The following CCDC40 variants were observed in gnomAD, a reference collection of about 807,000 sequenced individuals.
CCDC40 encodes the protein coiled-coil domain 40 molecular ruler complex subunit.
CCDC40 carries 104 observed loss-of-function variants against 124.5 expected under a neutral mutation model. That is an observed-to-expected ratio of 0.84 (90% CI 0.71 to 0.98). The LOEUF (loss-of-function observed/expected upper bound fraction) is 0.98, where lower values mean the gene tolerates loss of function less well. Among genes scored for constraint, CCDC40 ranks in the 50% least tolerant of loss-of-function variants. The pLI, the probability that CCDC40 is intolerant of heterozygous loss-of-function variation, is 0.00. For synonymous variants in CCDC40, 580 were observed against 602.9 expected (o/e 0.96, Z 0.56); for missense variants, 1,463 against 1,503.9 (o/e 0.97, Z 0.45).
At chr17:80,037,042 A>G (rs2037088080) in intron 1 of CCDC40, among the ~76,000 whole-genome samples, 1 of 151,836 alleles carries the variant, frequency 6.6e-6, no homozygotes, top group Non-Finnish European at 1.5e-5. Context: ...CAGTCCTCCT[A>G]AGAGTAGAGG....
Position 80,099,507 on chromosome 17 carries a change from G to A in CCDC40, c.3181-20G>A, listed in dbSNP as rs1320507721. 6.2e-7 allele frequency: 1 copy of A among 1,602,952 alleles called. No homozygotes were observed. Among genetic ancestry groups the A allele is most frequent in the African/African-American group, 1.3e-5 (1 of 74,908 alleles). On this transcript the variant is annotated intron_variant, in intron 19 of 19. Transcript: ENST00000397545. ...CTTCTGGTTTGCATAGCCCTATATGGAGTCTCTTTTCCTACCCAGAACCTT... is the reference window on the plus strand; with the variant it reads ...CTTCTGGTTTGCATAGCCCTATATGAAGTCTCTTTTCCTACCCAGAACCTT...
intron 10 of CCDC40, among the ~76,000 whole-genome samples, chr17:80,080,454 T>C (rs926916579): frequency 1.3e-5 from 2 of 152,226 alleles, no homozygotes; most frequent in African/African-American, 4.8e-5. Context: ...GTTTTAGAGC[T>C]TGACGTTAAT....
intron 3 of CCDC40, among the ~76,000 whole-genome samples, chr17:80,045,822 A>G (rs1038602661): frequency 1.3e-5 from 2 of 149,634 alleles, no homozygotes; most frequent in Non-Finnish European, 1.5e-5. Context: ...AATGTTGCAC[A>G]AAGATCATCA....
chr17:80,099,386 G>A (rs568924138), intron 19 of CCDC40, 141 bp from the exon 20 acceptor site: 91 of 939,856 alleles, frequency 9.7e-5, no homozygotes, highest in Non-Finnish European at 1.3e-4. Context: ...ATCCAGGGGC[G>A]CAACACCTTC....
intron 10 of CCDC40, among the ~76,000 whole-genome samples, chr17:80,076,047 T>C (rs1180029355): frequency 6.6e-6 from 1 of 152,226 alleles, no homozygotes; most frequent in South Asian, 2.1e-4. Context: ...AATCTGCTCC[T>C]GTGAAGATGC....
rs1013108210 is a variant in CCDC40 at position 80,100,506 on chromosome 17, A to G, written c.*731A>G. ...TTTCTCCCTGGACTTCCAAGTACCA[A>G]TGACCTTGGGGCTTCTTTGCAGTTT... is the stretch of plus-strand genomic sequence containing the variant. On this transcript the variant is annotated 3_prime_UTR_variant, in exon 20 of 20. Transcript: ENST00000397545. 4 of 152,256 alleles carry G rather than the reference A, an allele frequency of 2.6e-5. No homozygotes were observed. The highest frequency in any genetic ancestry group is 1.9e-4 in the East Asian group (1 of 5,206). 9.4% of individuals were successfully genotyped at this position (152,256 alleles called of 1,614,324 possible). A position where few individuals can be genotyped will look rare whatever the true frequency, so the allele number is the denominator to read the frequency against.
intron 9 of CCDC40, among the ~76,000 whole-genome samples, chr17:80,065,030 T>C (rs1174139795): frequency 7.4e-6 from 1 of 134,916 alleles, no homozygotes; most frequent in East Asian, 2.2e-4. Flanking sequence ...CCTCTCCCTC[T>C]TCCTCTCCGT....
chr17:80,090,649 C>G, intron 17 of CCDC40: 1 of 1,442,394 alleles, frequency 6.9e-7, no homozygotes, highest in Non-Finnish European at 9.1e-7. Context: ...GCACCCCCAT[C>G]TCATCCTTCA....
At chr17:80,081,837 C>T (rs199791020) in intron 11 of CCDC40, 39 bp from the exon 12 acceptor site, 37 of 1,613,964 alleles carry the variant, frequency 2.3e-5, no homozygotes, top group Non-Finnish European at 3.1e-5. Context: ...ACGGTGGTGC[C>T]TCTTCAGGCA....
At chr17:80,072,246 C>T (rs969997216) in intron 10 of CCDC40, among the ~76,000 whole-genome samples, 3 of 152,188 alleles carry the variant, frequency 2.0e-5, no homozygotes, top group South Asian at 2.1e-4. Flanking sequence ...TGCTGATCTA[C>T]GGAGTTTTTA....
intron 9 of CCDC40, among the ~76,000 whole-genome samples, chr17:80,063,676 G>A (rs2037960804): frequency 6.6e-6 from 1 of 152,146 alleles, no homozygotes; most frequent in African/African-American, 2.4e-5. Flanking sequence ...AAGGGAATCC[G>A]TGCATCCAAT....
chr17:80,037,434 G>C (rs559024316), intron 1 of CCDC40, among the ~76,000 whole-genome samples: 1 of 152,010 alleles, frequency 6.6e-6, no homozygotes, highest in Non-Finnish European at 1.5e-5. Context: ...TATTGACATG[G>C]AAAGACTAAA....
Position 80,038,048 on chromosome 17 carries a change from G to A in CCDC40, c.30-75G>A. 3 of 953,160 alleles carry A rather than the reference G, an allele frequency of 3.1e-6. No individual in the cohort carries two copies. In the East Asian group the frequency reaches 7.4e-5, roughly 24 times the overall value. 59.0% of individuals were successfully genotyped at this position (953,160 alleles called of 1,614,324 possible). A position where few individuals can be genotyped will look rare whatever the true frequency, so the allele number is the denominator to read the frequency against. On this transcript the variant is annotated intron_variant, in intron 1 of 19. Coordinates refer to ENST00000397545, the MANE Select transcript of CCDC40 (RefSeq NM_017950.4). ...TAACAAGTAAATAAACAGATGTGCA[G>A]AATTCAGGAGGGGATAAGGACCAAG...
chr17:80,097,178 C>T, intron 18 of CCDC40, 67 bp from the exon 19 acceptor site: 3 of 1,571,514 alleles, frequency 1.9e-6, no homozygotes, highest in Non-Finnish European at 2.6e-6. Flanking sequence ...TCCTCCCAGC[C>T]TGACTCTTCC....
chr17:80,084,476 G>T (rs1463034010), intron 12 of CCDC40, among the ~76,000 whole-genome samples: 3 of 152,158 alleles, frequency 2.0e-5, no homozygotes, highest in African/African-American at 7.2e-5. Flanking sequence ...GATGAGATGT[G>T]AGTGGGGACA....
chr17:80,073,975 C>T (rs938304708), intron 10 of CCDC40, among the ~76,000 whole-genome samples: 2 of 152,100 alleles, frequency 1.3e-5, no homozygotes, highest in Admixed American at 6.5e-5. Flanking sequence ...TGTGAGCCAA[C>T]GCTCCTGGCC....
chr17:80,084,817 G>A lies in CCDC40; in HGVS notation c.2064G>A (p.Leu688=). 1 of 1,614,172 alleles carries A rather than the reference G, an allele frequency of 6.2e-7. No homozygotes were observed. The highest frequency in any genetic ancestry group is 8.5e-7 in the Non-Finnish European group (1 of 1,180,034). ...TLDITHTSSR[L]DAHQKTLVEL... ...ACATCACACACACCAGCAGCAGGCT[G>A]GACGCACACCAGAAGACCCTGGTGG... The change falls in exon 13 of 20, where the codon CTG becomes CTA. Residue 688 remains leucine, a synonymous_variant. Transcript: ENST00000397545.
intron 10 of CCDC40, among the ~76,000 whole-genome samples, chr17:80,069,619 C>T (rs1041822712): frequency 1.3e-5 from 2 of 152,100 alleles, no homozygotes; most frequent in South Asian, 2.1e-4. Flanking sequence ...GACCTGGTGG[C>T]GGGCACCTGT....
chr17:80,040,634 C>G (rs9909509), intron 3 of CCDC40: 262,199 of 267,468 alleles, frequency 0.98, 128,681 homozygotes, highest in Middle Eastern at 1. Flanking sequence ...AGCCAAGATC[C>G]CACCATTGCA....
Sources: allele counts gnomAD v4.1 joint callset (sites outside exome capture counted in the v4.1 genomes callset), GRCh38; gene constraint gnomAD v4.1.1; transcripts MANE v1.5; gene names NCBI Gene and HGNC (gene_info 2026-07-23, HGNC 2026-07-21).